UGCG: variants seen among roughly 807,000 people sequenced by gnomAD.
The protein encoded by UGCG is UDP-glucose ceramide glucosyltransferase.
UGCG carries 10 observed loss-of-function variants against 49.5 expected under a neutral mutation model. The observed-to-expected ratio is 0.20, with a 90% CI of 0.12 to 0.34. The LOEUF is 0.34. Ranked by LOEUF, UGCG falls within the 10% of genes least tolerant of loss-of-function variation. UGCG has a pLI of 1.00. For synonymous variants in UGCG, 182 were observed against 158.2 expected (o/e 1.15, Z -1.13); for missense variants, 312 against 483.7 (o/e 0.65, Z 3.33).
intron 1 of UGCG, among the ~76,000 whole-genome samples, chr9:111,900,464 G>T (rs1037612957): frequency 1.5e-4 from 18 of 120,656 alleles, no homozygotes; most frequent in Non-Finnish European, 2.1e-4. Flanking sequence ...TTACCTGGAG[G>T]TGTATATGTA....
chr9:111,914,758 G>A lies in UGCG; in HGVS notation c.240+12G>A. Reference sequence around the variant, plus strand: ...TGGATTATCCCAAAGTAAGTTCAGTGTTACGGTTTTTTGTTTTGTTTTGTT... The same window carrying A: ...TGGATTATCCCAAAGTAAGTTCAGTATTACGGTTTTTTGTTTTGTTTTGTT... On this transcript the variant is annotated intron_variant, in intron 2 of 8. Transcript: ENST00000374279. 1 of 1,591,628 alleles carries A rather than the reference G, an allele frequency of 6.3e-7. No individual in the cohort carries two copies. Among genetic ancestry groups the A allele is most frequent in the Non-Finnish European group, 8.5e-7 (1 of 1,175,010 alleles).
chr9:111,931,053 G>A lies in UGCG; in HGVS notation c.738-218G>A, dbSNP rs1457362013. 2.0e-5 allele frequency among the ~76,000 whole-genome samples: 3 copies of A among 152,076 alleles called. No individual in the cohort carries two copies. The South Asian group carries it at 6.2e-4, about 32-fold the overall frequency. On this transcript the variant is annotated intron_variant, in intron 6 of 8. Transcript: ENST00000374279. ...TAAATTGTAAAGTAAGGTGGGTACAGTTTCTTCTAGTTCTTAGATGGTGCT... is the reference window on the plus strand; with the variant it reads ...TAAATTGTAAAGTAAGGTGGGTACAATTTCTTCTAGTTCTTAGATGGTGCT...
At chr9:111,925,497 G>T (rs1216183534) in intron 4 of UGCG, among the ~76,000 whole-genome samples, 2 of 152,206 alleles carry the variant, frequency 1.3e-5, no homozygotes, top group Non-Finnish European at 2.9e-5. Context: ...TTAGCAGCAT[G>T]CCTGGTCTCT....
chr9:111,916,657 G>GGTGTTGCC (rs1178360374), intron 2 of UGCG, among the ~76,000 whole-genome samples: 2 of 151,614 alleles, frequency 1.3e-5, no homozygotes, highest in Non-Finnish European at 2.9e-5. Context: ...TTTTGTAGAG[G>GGTGTTGCC]GTGTTGCCAT....
chr9:111,910,092 A>C (rs150163884), intron 1 of UGCG, among the ~76,000 whole-genome samples: 1 of 152,338 alleles, frequency 6.6e-6, no homozygotes, highest in African/African-American at 2.4e-5. Context: ...CTCAACATGA[A>C]AAGTTCTTCA....
chr9:111,925,757 T>G (rs903776253), intron 4 of UGCG, among the ~76,000 whole-genome samples: 2 of 152,232 alleles, frequency 1.3e-5, no homozygotes, highest in African/African-American at 4.8e-5. Flanking sequence ...ATAATTTAAA[T>G]TTTTTATTAG....
In UGCG at chr9:111,929,758, A is replaced by G. The variant is rs1838387522; in HGVS notation, c.737+80A>G. 4.7e-6 allele frequency: 7 copies of G among 1,493,106 alleles called. No individual in the cohort carries two copies. The Admixed American group carries it at 1.1e-4, about 24-fold the overall frequency. 92.5% of individuals were successfully genotyped at this position (1,493,106 alleles called of 1,614,324 possible). On this transcript the variant is annotated intron_variant, in intron 6 of 8. Transcript: ENST00000374279. ...ATTCTTTTTGTTCAACCTATAGATT[A>G]GGGCTTTTTAATTTAATTTTATTTT... is the stretch of plus-strand genomic sequence containing the variant.
chr9:111,908,807 AG>A, intron 1 of UGCG, among the ~76,000 whole-genome samples: 1 of 152,356 alleles, frequency 6.6e-6, no homozygotes, highest in Non-Finnish European at 1.5e-5. Context: ...AGACACTAAA[AG>A]AAAAACTAGT....
At chr9:111,922,032 C>G (rs1388727873) in intron 2 of UGCG, among the ~76,000 whole-genome samples, 1 of 151,680 alleles carries the variant, frequency 6.6e-6, no homozygotes, top group Non-Finnish European at 1.5e-5. Context: ...AGGCTCCTCT[C>G]GAGCACCTAG....
At chr9:111,905,682 G>A (rs1311605429) in intron 1 of UGCG, among the ~76,000 whole-genome samples, 1 of 151,960 alleles carries the variant, frequency 6.6e-6, no homozygotes, top group Non-Finnish European at 1.5e-5. Context: ...TCGAACTCCT[G>A]ACCTCAGGTG....
In UGCG at chr9:111,931,301, T is replaced by A; in HGVS notation, c.768T>A (p.Val256=). Reference sequence around the variant, plus strand: ...GGAGGTTTGCAATGTCCACTCAAGTTGCAATGCAAAACTCTGGCTCATATT... The same window carrying A: ...GGAGGTTTGCAATGTCCACTCAAGTAGCAATGCAAAACTCTGGCTCATATT... ...RGWRFAMSTQ[V]AMQNSGSYSI... is the part of the protein sequence containing the mutation. The change falls in exon 7 of 9, where the codon GTT becomes GTA. Residue 256 remains valine (V), a synonymous_variant. Coordinates refer to ENST00000374279, the MANE Select transcript of UGCG (RefSeq NM_003358.3). 1.9e-6 allele frequency: 3 copies of A among 1,613,986 alleles called. No individual in the cohort carries two copies. Among genetic ancestry groups the A allele is most frequent in the Non-Finnish European group, 2.5e-6 (3 of 1,180,010 alleles).
At chr9:111,912,031 T>TACATATATATATTCAACAGG (rs1564200082) in intron 1 of UGCG, among the ~76,000 whole-genome samples, 1 of 133,034 alleles carries the variant, frequency 7.5e-6, no homozygotes, top group African/African-American at 2.9e-5. Flanking sequence ...TTCAACAGGA[T>TACATATATATATTCAACAGG]ATATATATAT....
At chr9:111,899,208 T>A (rs964327555) in intron 1 of UGCG, among the ~76,000 whole-genome samples, 1 of 152,224 alleles carries the variant, frequency 6.6e-6, no homozygotes, top group African/African-American at 2.4e-5. Context: ...CATTTATATT[T>A]CCGAAAGAGG....
At chr9:111,929,405 CATACTT>C (rs956106419) in intron 5 of UGCG, 89 bp from the exon 6 acceptor site, 15 of 1,284,540 alleles carry the variant, frequency 1.2e-5, no homozygotes, top group African/African-American at 1.1e-4. Context: ...TTCACTCAAT[CATACTT>C]ATAAAAAAAC....
At chr9:111,911,913 T>G (rs1396862225) in intron 1 of UGCG, among the ~76,000 whole-genome samples, 1 of 4,678 alleles carries the variant, frequency 2.1e-4, no homozygotes, top group Non-Finnish European at 5.3e-4. Flanking sequence ...AGGATATATA[T>G]ATATATATAT....
intron 1 of UGCG, among the ~76,000 whole-genome samples, chr9:111,906,135 A>G (rs1454850614): frequency 6.6e-6 from 1 of 152,156 alleles, no homozygotes; most frequent in Non-Finnish European, 1.5e-5. Flanking sequence ...GGCATTATTT[A>G]TACTACAAGT....
chr9:111,925,378 T>G (rs888425800), intron 4 of UGCG, among the ~76,000 whole-genome samples: 3 of 152,250 alleles, frequency 2.0e-5, no homozygotes, highest in African/African-American at 7.2e-5. Context: ...ACACTCATAA[T>G]AGTTTCAGTG....
chr9:111,915,191 G>A (rs1193431188), intron 2 of UGCG, among the ~76,000 whole-genome samples: 1 of 152,188 alleles, frequency 6.6e-6, no homozygotes, highest in African/African-American at 2.4e-5. Context: ...ATTACAGTTA[G>A]TGGTACTGTA....
intron 1 of UGCG, among the ~76,000 whole-genome samples, chr9:111,901,783 C>T (rs1188434853): frequency 1.3e-5 from 2 of 152,314 alleles, no homozygotes; most frequent in East Asian, 1.9e-4. Flanking sequence ...TTCTCTCTGA[C>T]ATTAGTTAGT....
Sources: allele counts gnomAD v4.1 joint callset (sites outside exome capture counted in the v4.1 genomes callset), GRCh38; gene constraint gnomAD v4.1.1; transcripts MANE v1.5; gene names NCBI Gene and HGNC (gene_info 2026-07-23, HGNC 2026-07-21).